The following SGCZ variants were observed in gnomAD, a reference collection of about 807,000 sequenced individuals.
SGCZ encodes sarcoglycan zeta.
A neutral mutation model predicts 41.3 loss-of-function variants in SGCZ; 40 were observed. The observed-to-expected ratio is 0.97, with a 90% confidence interval of 0.75 to 1.26. The LOEUF (loss-of-function observed/expected upper bound fraction) is 1.26. SGCZ is among the 50% of genes most tolerant of loss of function. The pLI, the probability that SGCZ is intolerant of heterozygous loss-of-function variation, is 0.00. For synonymous variants in SGCZ, 206 were observed against 137.5 expected (o/e 1.50, Z -3.49); for missense variants, 552 against 369.8 (o/e 1.49, Z -4.04).
chr8:14,156,686 C>A (rs927806778), intron 5 of SGCZ, among the ~76,000 whole-genome samples: 6 of 152,070 alleles, frequency 3.9e-5, no homozygotes, highest in Non-Finnish European at 7.4e-5. Flanking sequence ...TACTCTTATT[C>A]TATAAGCTTT....
chr8:14,930,153 C>T (rs1342410313), intron 1 of SGCZ, among the ~76,000 whole-genome samples: 1 of 151,856 alleles, frequency 6.6e-6, no homozygotes, highest in Non-Finnish European at 1.5e-5. Flanking sequence ...AAAAAACAAA[C>T]AACCCCATCA....
chr8:15,218,867 A>T (rs1050048746), intron 1 of SGCZ, among the ~76,000 whole-genome samples: 3 of 152,214 alleles, frequency 2.0e-5, no homozygotes, highest in Non-Finnish European at 2.9e-5. Flanking sequence ...GAGGGAATCG[A>T]CATTTAGTAA....
intron 1 of SGCZ, among the ~76,000 whole-genome samples, chr8:14,657,891 G>C (rs568271908): frequency 6.6e-6 from 1 of 152,058 alleles, no homozygotes; most frequent in African/African-American, 2.4e-5. Context: ...ATCCTAATAA[G>C]AATCAGGCTT....
intron 1 of SGCZ, among the ~76,000 whole-genome samples, chr8:15,023,337 C>A (rs956500661): frequency 2.0e-5 from 3 of 152,084 alleles, no homozygotes; most frequent in African/African-American, 7.2e-5. Context: ...TACCGTGAAA[C>A]CTGCTTCCCA....
At chr8:14,318,984 G>GA (rs1211171918) in intron 3 of SGCZ, among the ~76,000 whole-genome samples, 4 of 150,986 alleles carry the variant, frequency 2.6e-5, no homozygotes, top group South Asian at 2.1e-4. Flanking sequence ...AAACTTATTT[G>GA]AAAAAAAATA....
At chr8:14,170,699 C>G (rs909820961) in intron 4 of SGCZ, among the ~76,000 whole-genome samples, 5 of 152,066 alleles carry the variant, frequency 3.3e-5, no homozygotes, top group African/African-American at 1.2e-4. Context: ...TATTTCCAAA[C>G]TGTAGCTAGA....
chr8:15,134,562 G>A (rs1345241041), intron 1 of SGCZ, among the ~76,000 whole-genome samples: 3 of 151,862 alleles, frequency 2.0e-5, no homozygotes, highest in Admixed American at 6.6e-5. Flanking sequence ...CACTTTAAGC[G>A]CAGAAATAAC....
chr8:14,344,096 C>G (rs1443808782), intron 2 of SGCZ, among the ~76,000 whole-genome samples: 2 of 152,050 alleles, frequency 1.3e-5, no homozygotes, highest in Non-Finnish European at 2.9e-5. Context: ...TTGATGGGCA[C>G]AGCGAGAGAT....
At chr8:15,116,468 T>C (rs1316058313) in intron 1 of SGCZ, among the ~76,000 whole-genome samples, 2 of 152,154 alleles carry the variant, frequency 1.3e-5, no homozygotes, top group South Asian at 2.1e-4. Context: ...GTTTAGCATA[T>C]GGGATAAAAA....
chr8:14,460,559 CT>C (rs1416155490), intron 2 of SGCZ, among the ~76,000 whole-genome samples: 48 of 152,198 alleles, frequency 3.2e-4, no homozygotes, highest in African/African-American at 1.2e-3. Context: ...GCAAATAGCT[CT>C]TCAGGGCATA....
chr8:14,670,343 C>T (rs1457319056), intron 1 of SGCZ, among the ~76,000 whole-genome samples: 8 of 152,124 alleles, frequency 5.3e-5, no homozygotes, highest in African/African-American at 1.9e-4. Context: ...AATTACCTAT[C>T]TGTACTTCAA....
intron 1 of SGCZ, among the ~76,000 whole-genome samples, chr8:15,220,934 G>A (rs531789301): frequency 9.8e-4 from 149 of 152,158 alleles, no homozygotes; most frequent in African/African-American, 3.3e-3. Context: ...AACACCACAC[G>A]TTCTCACTCA....
intron 1 of SGCZ, among the ~76,000 whole-genome samples, chr8:14,799,958 T>TA (rs1801266516): frequency 6.6e-6 from 1 of 152,176 alleles, no homozygotes; most frequent in African/African-American, 2.4e-5. Flanking sequence ...GGTATTTTTG[T>TA]AAAAAGTATT....
At chr8:14,907,967 G>C (rs1799168847) in intron 1 of SGCZ, among the ~76,000 whole-genome samples, 2 of 152,152 alleles carry the variant, frequency 1.3e-5, no homozygotes, top group Admixed American at 1.3e-4. Flanking sequence ...AGGGCAGTCT[G>C]AACAAGGAAA....
chr8:14,447,073 T>C (rs1465899120), intron 2 of SGCZ, among the ~76,000 whole-genome samples: 1 of 152,204 alleles, frequency 6.6e-6, no homozygotes, highest in Non-Finnish European at 1.5e-5. Context: ...CCAGAAAATA[T>C]ATGTTCTTAG....
intron 7 of SGCZ, among the ~76,000 whole-genome samples, chr8:14,100,555 A>ATG (rs1801984692): frequency 1.2e-5 from 1 of 81,228 alleles, no homozygotes; most frequent in Non-Finnish European, 2.8e-5. Flanking sequence ...CATTAGATTA[A>ATG]TATATTATAT....
intron 2 of SGCZ, among the ~76,000 whole-genome samples, chr8:14,537,734 C>T (rs1803339739): frequency 6.6e-6 from 1 of 151,768 alleles, no homozygotes; most frequent in Non-Finnish European, 1.5e-5. Context: ...TGAATGTTCC[C>T]CCCTCATGTA....
chr8:14,870,748 G>C (rs894751682), intron 1 of SGCZ, among the ~76,000 whole-genome samples: 2 of 151,562 alleles, frequency 1.3e-5, no homozygotes, highest in African/African-American at 4.8e-5. Flanking sequence ...AGACAACCCT[G>C]TCAAAAAGTG....
chr8:14,725,391 T>C (rs1047392091), intron 1 of SGCZ, among the ~76,000 whole-genome samples: 5 of 152,138 alleles, frequency 3.3e-5, no homozygotes, highest in African/African-American at 1.2e-4. Context: ...ATAATCCTAG[T>C]TTTTTGAGGA....
Sources: allele counts gnomAD v4.1 joint callset (sites outside exome capture counted in the v4.1 genomes callset), GRCh38; gene constraint gnomAD v4.1.1; transcripts MANE v1.5; gene names NCBI Gene and HGNC (gene_info 2026-07-23, HGNC 2026-07-21).